Variants in ATP2C2 observed in about 807,000 individuals in gnomAD.
ATP2C2 encodes ATPase secretory pathway Ca2+ transporting 2, also known as calcium-transporting ATPase type 2C member 2.
In ATP2C2, 171 loss-of-function variants were observed where a neutral mutation model predicts 110.8. The observed-to-expected ratio is 1.54, with a 90% CI of 1.36 to 1.75. ATP2C2 has a LOEUF of 1.75. Among genes scored for constraint, ATP2C2 ranks in the 40% most tolerant of loss-of-function variants. ATP2C2 has a pLI of 0.00. For missense variants in ATP2C2, 1,963 were observed against 1,235.0 expected (o/e 1.59, Z -8.84); for synonymous variants, 804 against 508.4 (o/e 1.58, Z -7.82).
At chr16:84,445,128 G>A (rs896413237) in intron 15 of ATP2C2, among the ~76,000 whole-genome samples, 1 of 152,070 alleles carries the variant, frequency 6.6e-6, no homozygotes, top group Non-Finnish European at 1.5e-5. Context: ...ACTCGCAGAC[G>A]CATCCCTGCC....
chr16:84,386,733 T>A (rs1026672549), intron 1 of ATP2C2, among the ~76,000 whole-genome samples: 24 of 151,886 alleles, frequency 1.6e-4, no homozygotes. Context: ...CTTCCTCACA[T>A]CAATGCTAGG....
chr16:84,422,762 A>G (rs1469434036), intron 9 of ATP2C2, 65 bp downstream of exon 9: 12 of 1,487,234 alleles, frequency 8.1e-6, no homozygotes, highest in Non-Finnish European at 1.0e-5. Flanking sequence ...ATAGGCAAAT[A>G]ATACCAGCCT....
intron 11 of ATP2C2, among the ~76,000 whole-genome samples, chr16:84,434,198 A>G (rs1255239210): frequency 6.6e-6 from 1 of 152,076 alleles, no homozygotes; most frequent in Non-Finnish European, 1.5e-5. Flanking sequence ...CGCGTGGATC[A>G]TGAGGTCAAG....
chr16:84,384,666 A>G lies in ATP2C2; in HGVS notation c.100-13833A>G, dbSNP rs1015876554. On this transcript the variant is annotated intron_variant, in intron 1 of 26. Transcript: ENST00000262429. ...TCATTAAGTTCGGCATGCATGGACGATGCTTGGCTGAATGGATTACTATCA... is the reference window on the plus strand; with the variant it reads ...TCATTAAGTTCGGCATGCATGGACGGTGCTTGGCTGAATGGATTACTATCA... Among the ~76,000 whole-genome samples the G allele has an allele frequency of 6.0e-4, 92 of 152,192 alleles. 1 individual carries two copies. Among genetic ancestry groups the G allele is most frequent in the Admixed American group, 1.7e-3 (26 of 15,284 alleles).
In ATP2C2 at chr16:84,398,508, CAG is replaced by C; in HGVS notation, c.112_113del (p.Ser38Ter). ...KDEEEALIDE[Q>X]SELKAIEKEK... ...CCTGCTCTTTTCACAGATTGATGAACAGAGTGAGCTGAAAGCCATCGAGAAAG... is the reference window on the plus strand; with the variant it reads ...CCTGCTCTTTTCACAGATTGATGAACAGTGAGCTGAAAGCCATCGAGAAAG... On this transcript the variant is annotated frameshift_variant, in exon 2 of 27. Coordinates refer to ENST00000262429, the MANE Select transcript of ATP2C2 (RefSeq NM_014861.4). LOFTEE classifies it high-confidence loss of function. The C allele has an allele frequency of 1.9e-6, 3 of 1,608,662 alleles. No homozygotes were observed. Among genetic ancestry groups the C allele is most frequent in the Non-Finnish European group, 2.5e-6 (3 of 1,177,960 alleles).
chr16:84,388,325 A>C (rs978925553), intron 1 of ATP2C2, among the ~76,000 whole-genome samples: 1 of 98,932 alleles, frequency 1.0e-5, no homozygotes. Context: ...ACTCTGTCTC[A>C]AAAAAAAAAG....
intron 14 of ATP2C2, 143 bp from the exon 15 acceptor site, chr16:84,442,367 T>A (rs1909342747): frequency 2.7e-6 from 2 of 749,184 alleles, no homozygotes; most frequent in Admixed American, 4.1e-5. Flanking sequence ...CGATGTTTCT[T>A]TTAAAAAGCC....
Position 84,454,946 on chromosome 16 carries a change from C to A in ATP2C2, c.2109C>A (p.Ala703=). ...QTGTDVSKEA[A]NMILVDDDFS... ...GGACGGACGTCAGCAAAGAGGCCGC[C>A]AACATGATCCTGGTGGATGATGACT... The change falls in exon 21 of 27, where the codon GCC becomes GCA. Residue 703 remains alanine (A), a synonymous_variant. Transcript: ENST00000262429. 6.2e-7 allele frequency: 1 copy of A among 1,613,614 alleles called. No homozygotes were observed. The highest frequency in any genetic ancestry group is 1.7e-5 in the Admixed American group (1 of 59,824).
intron 1 of ATP2C2, among the ~76,000 whole-genome samples, chr16:84,391,710 A>C (rs1904674296): frequency 1.3e-5 from 2 of 152,234 alleles, no homozygotes; most frequent in African/African-American, 4.8e-5. Flanking sequence ...CCCTGCCAGC[A>C]TCTTGGTTTC....
chr16:84,422,126 A>G (rs562641618), intron 7 of ATP2C2, among the ~76,000 whole-genome samples: 9 of 151,900 alleles, frequency 5.9e-5, no homozygotes, highest in Non-Finnish European at 1.3e-4. Flanking sequence ...AATAGCCATC[A>G]CCTTCATTTT....
rs530959289 is a variant in ATP2C2, at chr16:84,379,397, C to T, written c.99+10683C>T. On this transcript the variant is annotated intron_variant, in intron 1 of 26. Coordinates refer to ENST00000262429, the MANE Select transcript of ATP2C2 (RefSeq NM_014861.4). ...CCTAGGCTGGTCTTGAACTCCTGGG[C>T]TCAAGAGATCTGTCCACCGCGGTCT... 5.9e-5 allele frequency among the ~76,000 whole-genome samples: 9 copies of T among 152,302 alleles called. No individual in the cohort carries two copies. The East Asian group carries it at 1.7e-3, about 29-fold the overall frequency.
intron 2 of ATP2C2, chr16:84,404,709 C>T (rs1008149574): frequency 2.3e-5 from 8 of 351,370 alleles, no homozygotes; most frequent in African/African-American, 6.4e-5. Flanking sequence ...GGGTATATAC[C>T]CCAAAGTGGA....
At chr16:84,401,499 A>G (rs940155185) in intron 2 of ATP2C2, among the ~76,000 whole-genome samples, 3 of 151,706 alleles carry the variant, frequency 2.0e-5, no homozygotes, top group Non-Finnish European at 4.4e-5. Flanking sequence ...TTTTTATTTG[A>G]TTTTTATTGA....
chr16:84,419,492 T>G (rs1457839124), intron 7 of ATP2C2, among the ~76,000 whole-genome samples: 4 of 152,180 alleles, frequency 2.6e-5, no homozygotes, highest in Non-Finnish European at 5.9e-5. Flanking sequence ...GGTCCTTCAG[T>G]TAGTCACGTC....
chr16:84,451,905 C>A lies in ATP2C2; in HGVS notation c.1661-16C>A. On this transcript the variant is annotated splice_polypyrimidine_tract_variant and intron_variant, in intron 17 of 26. Coordinates refer to ENST00000262429, the MANE Select transcript of ATP2C2 (RefSeq NM_014861.4). ...AAGCCCCCGGTGACCCCTCCTTACTCCCCCTCTCTCCTCAGTGCTGGCCCT... is the reference window on the plus strand; with the variant it reads ...AAGCCCCCGGTGACCCCTCCTTACTACCCCTCTCTCCTCAGTGCTGGCCCT... The A allele has an allele frequency of 1.2e-6, 2 of 1,606,168 alleles. No individual in the cohort carries two copies. Among genetic ancestry groups the A allele is most frequent in the Non-Finnish European group, 1.7e-6 (2 of 1,177,674 alleles).
chr16:84,382,328 T>C (rs1188716062), intron 1 of ATP2C2, among the ~76,000 whole-genome samples: 1 of 152,260 alleles, frequency 6.6e-6, no homozygotes. Context: ...TCCTTTTTTA[T>C]GGCTGCGTAG....
At chr16:84,424,922 A>G (rs541888732) in intron 10 of ATP2C2, among the ~76,000 whole-genome samples, 1 of 152,270 alleles carries the variant, frequency 6.6e-6, no homozygotes, top group East Asian at 1.9e-4. Context: ...CTCTAGGCTC[A>G]CTGCCTCACC....
chr16:84,462,167 C>A (rs1484604393), intron 26 of ATP2C2, 38 bp downstream of exon 26: 2 of 1,592,374 alleles, frequency 1.3e-6, no homozygotes, highest in Non-Finnish European at 1.7e-6. Context: ...TGACCTCGAC[C>A]AGGGCCATGG....
intron 11 of ATP2C2, among the ~76,000 whole-genome samples, chr16:84,434,060 G>A (rs1286953680): frequency 3.3e-5 from 5 of 152,150 alleles, no homozygotes; most frequent in Non-Finnish European, 7.3e-5. Context: ...CTTAGCCAGC[G>A]GAGATTTTCC....
Sources: allele counts gnomAD v4.1 joint callset (sites outside exome capture counted in the v4.1 genomes callset), GRCh38; gene constraint gnomAD v4.1.1; transcripts MANE v1.5; gene names NCBI Gene and HGNC (gene_info 2026-07-23, HGNC 2026-07-21).